Variants in MAGI2 observed in about 807,000 individuals in gnomAD.
MAGI2 encodes membrane associated guanylate kinase, WW and PDZ domain containing 2.
Under a neutral mutation model 133.3 loss-of-function variants are expected in MAGI2, and 35 were observed. The ratio of observed to expected loss-of-function variants is 0.26; its 90% CI spans 0.20 to 0.35. The LOEUF (loss-of-function observed/expected upper bound fraction) is 0.35, where lower values mean the gene tolerates loss of function less well. Ranked by LOEUF, MAGI2 falls within the 10% of genes least tolerant of loss-of-function variation. MAGI2 has a pLI of 1.00. For synonymous variants in MAGI2, 729 were observed against 710.6 expected (o/e 1.03, Z -0.41); for missense variants, 1,636 against 1,863.4 (o/e 0.88, Z 2.25).
Position 78,086,565 on chromosome 7 carries a change from G to A in MAGI2, c.3568-7480C>T, listed in dbSNP as rs374750464. Among the ~76,000 whole-genome samples, 5 of 151,544 alleles carry A rather than the reference G, an allele frequency of 3.3e-5. No individual in the cohort carries two copies. The East Asian group carries it at 7.8e-4, about 24-fold the overall frequency. On this transcript the variant is annotated intron_variant, in intron 20 of 21. Transcript: ENST00000354212. Reference sequence around the variant, plus strand: ...TCTAGGGCTCTTAACTGGGGTTTATGTTTAATTCTTTTAAGTTTTCCCCTC... The same window carrying A: ...TCTAGGGCTCTTAACTGGGGTTTATATTTAATTCTTTTAAGTTTTCCCCTC...
intron 2 of MAGI2, among the ~76,000 whole-genome samples, chr7:78,979,417 G>A (rs934275544): frequency 6.6e-6 from 1 of 151,844 alleles, no homozygotes; most frequent in Non-Finnish European, 1.5e-5. Flanking sequence ...GAGCTAAACT[G>A]GTCACCTTCT....
At chr7:79,161,188 G>A (rs971605038) in intron 1 of MAGI2, among the ~76,000 whole-genome samples, 6 of 152,014 alleles carry the variant, frequency 3.9e-5, no homozygotes, top group African/African-American at 1.4e-4. Context: ...ATCTGACTGG[G>A]GATGTTACCC....
intron 2 of MAGI2, among the ~76,000 whole-genome samples, chr7:78,926,138 A>T (rs1454393955): frequency 6.6e-6 from 1 of 152,156 alleles, no homozygotes; most frequent in Middle Eastern, 3.4e-3. Context: ...AAGAGTTCCA[A>T]TGAGCTTCTC....
chr7:78,855,368 T>C (rs1196312085), intron 2 of MAGI2, among the ~76,000 whole-genome samples: 4 of 152,200 alleles, frequency 2.6e-5, no homozygotes, highest in Non-Finnish European at 5.9e-5. Flanking sequence ...ACTCATCATT[T>C]ACATTAGGTA....
chr7:78,194,442 G>T (rs764176398), intron 12 of MAGI2, among the ~76,000 whole-genome samples: 1 of 151,954 alleles, frequency 6.6e-6, no homozygotes, highest in Non-Finnish European at 1.5e-5. Context: ...AGCTGGGAAG[G>T]CTTGGCTGAC....
intron 2 of MAGI2, among the ~76,000 whole-genome samples, chr7:78,690,791 C>T (rs113706324): frequency 6.6e-6 from 1 of 152,162 alleles, no homozygotes; most frequent in African/African-American, 2.4e-5. Context: ...TGCTTAAATA[C>T]AGGTCCCTCA....
chr7:78,362,396 C>T (rs967313336), intron 7 of MAGI2, among the ~76,000 whole-genome samples: 1 of 152,044 alleles, frequency 6.6e-6, no homozygotes, highest in African/African-American at 2.4e-5. Context: ...AATCAAGAGC[C>T]AGTTGAAGTT....
At chr7:78,670,944 A>G (rs1814308506) in intron 2 of MAGI2, among the ~76,000 whole-genome samples, 1 of 152,198 alleles carries the variant, frequency 6.6e-6, no homozygotes, top group African/African-American at 2.4e-5. Flanking sequence ...GTATCACATA[A>G]TGAGTAAAGC....
At chr7:79,109,549 G>C (rs1444936850) in intron 1 of MAGI2, among the ~76,000 whole-genome samples, 2 of 152,200 alleles carry the variant, frequency 1.3e-5, no homozygotes, top group Admixed American at 6.5e-5. Flanking sequence ...TTCGATACAG[G>C]AGCAAATATA....
In MAGI2 at chr7:78,731,835, C is replaced by A. The variant is rs564034797; in HGVS notation, c.419-104596G>T. On this transcript the variant is annotated intron_variant, in intron 2 of 21. Transcript: ENST00000354212. Reference sequence around the variant, plus strand: ...TTCTCCCAGTTTTGGGGGTTGGATACCCTTTAGGATCTGACAAAAGTCATA... The same window carrying A: ...TTCTCCCAGTTTTGGGGGTTGGATAACCTTTAGGATCTGACAAAAGTCATA... Among the ~76,000 whole-genome samples the A allele has an allele frequency of 3.9e-5, 6 of 152,122 alleles. No individual in the cohort carries two copies. The South Asian group carries it at 1.2e-3, about 32-fold the overall frequency.
chr7:79,406,239 G>A (rs1249110126), intron 1 of MAGI2, among the ~76,000 whole-genome samples: 1 of 151,980 alleles, frequency 6.6e-6, no homozygotes, highest in Non-Finnish European at 1.5e-5. Context: ...GCATGTTAGA[G>A]TACAAGAGGA....
intron 2 of MAGI2, among the ~76,000 whole-genome samples, chr7:78,751,084 A>G (rs769764771): frequency 1.3e-5 from 2 of 152,204 alleles, no homozygotes; most frequent in Non-Finnish European, 2.9e-5. Flanking sequence ...ATATGCTTCT[A>G]GAGGTCTTGA....
At position 79,117,304 on chromosome 7, in the gene MAGI2, C is replaced by A. The variant is rs1819491863; in HGVS notation, c.302-110098G>T. Reference sequence around the variant, plus strand: ...CATGAAGCTAAAGATTAGAGTCAGACCAAAACTTTTCAATAGAATATTTAC... The same window carrying A: ...CATGAAGCTAAAGATTAGAGTCAGAACAAAACTTTTCAATAGAATATTTAC... On this transcript the variant is annotated intron_variant, in intron 1 of 21. Transcript: ENST00000354212. Among the ~76,000 whole-genome samples the A allele has an allele frequency of 2.6e-5, 4 of 151,898 alleles. No individual in the cohort carries two copies. In the South Asian group the frequency reaches 8.3e-4, roughly 32 times the overall value.
At chr7:78,698,760 C>T (rs1021081393) in intron 2 of MAGI2, among the ~76,000 whole-genome samples, 5 of 151,996 alleles carry the variant, frequency 3.3e-5, no homozygotes, top group African/African-American at 1.2e-4. Flanking sequence ...CGTGGCAGTG[C>T]GAGAGAGAAG....
At chr7:78,925,144 C>G (rs1799595164) in intron 2 of MAGI2, among the ~76,000 whole-genome samples, 1 of 151,980 alleles carries the variant, frequency 6.6e-6, no homozygotes, top group African/African-American at 2.4e-5. Context: ...TTTTACGCAT[C>G]CCAAAATATA....
intron 1 of MAGI2, chr7:79,353,289 A>G: frequency 3.0e-6 from 1 of 330,728 alleles, no homozygotes. Context: ...TGGTTTCCCA[A>G]CACCCTGAAC....
intron 2 of MAGI2, among the ~76,000 whole-genome samples, chr7:78,863,186 T>A (rs917308365): frequency 6.6e-6 from 1 of 152,214 alleles, no homozygotes; most frequent in African/African-American, 2.4e-5. Context: ...GAAACAGAAC[T>A]GTGAGAGGCA....
intron 12 of MAGI2, 78 bp from the exon 13 acceptor site, chr7:78,185,748 C>T: frequency 9.0e-7 from 1 of 1,115,666 alleles, no homozygotes. Flanking sequence ...CTTTTTGTTG[C>T]TATCATAACT....
intron 1 of MAGI2, among the ~76,000 whole-genome samples, chr7:79,213,920 C>G (rs914409827): frequency 2.0e-5 from 3 of 151,948 alleles, no homozygotes; most frequent in African/African-American, 7.3e-5. Context: ...ATTTTTCTTG[C>G]TCTGACAAGG....
Sources: gnomAD v4.1 joint callset for allele counts (sites outside exome capture counted in the v4.1 genomes callset) on GRCh38, gnomAD v4.1.1 for gene constraint, MANE v1.5 for transcripts, NCBI Gene and HGNC (gene_info 2026-07-23, HGNC 2026-07-21) for gene names.